The following VTI1A variants were observed in gnomAD, a reference collection of about 807,000 sequenced individuals.
VTI1A encodes vesicle transport through interaction with t-SNAREs homolog 1A.
Under a neutral mutation model 34.9 loss-of-function variants are expected in VTI1A, and 22 were observed. The ratio of observed to expected loss-of-function variants is 0.63; its 90% CI spans 0.45 to 0.90. The LOEUF (loss-of-function observed/expected upper bound fraction) is 0.90, where lower values mean the gene tolerates loss of function less well. Among genes scored for constraint, VTI1A ranks in the 40% least tolerant of loss-of-function variants. VTI1A has a pLI of 0.00. For missense variants in VTI1A, 268 were observed against 275.6 expected (o/e 0.97, Z 0.20); for synonymous variants, 87 against 97.3 (o/e 0.89, Z 0.62).
At chr10:112,756,951 T>C (rs1349847011) in intron 7 of VTI1A, among the ~76,000 whole-genome samples, 2 of 150,198 alleles carry the variant, frequency 1.3e-5, no homozygotes, top group African/African-American at 4.9e-5. Context: ...GAGGCTGAGG[T>C]GGGAGGATCA....
intron 5 of VTI1A, among the ~76,000 whole-genome samples, chr10:112,557,463 A>G (rs2134318709): frequency 6.6e-6 from 1 of 152,332 alleles, no homozygotes; most frequent in Non-Finnish European, 1.5e-5. Flanking sequence ...TATAGCATGA[A>G]GACCACAATC....
At chr10:112,837,797 G>A in the VTI1A span, among the ~76,000 whole-genome samples, 1 of 152,202 alleles carries the variant, frequency 6.6e-6, no homozygotes, top group Non-Finnish European at 1.5e-5. Context: ...AGAGTCTGGG[G>A]ATGTCTTTGA....
At chr10:112,768,187 C>T (rs1055162888) in intron 7 of VTI1A, among the ~76,000 whole-genome samples, 1 of 152,082 alleles carries the variant, frequency 6.6e-6, no homozygotes, top group Non-Finnish European at 1.5e-5. Context: ...AATTGCATGA[C>T]GAGTGTGAGG....
intron 5 of VTI1A, among the ~76,000 whole-genome samples, chr10:112,586,498 T>C (rs1265107191): frequency 2.6e-5 from 4 of 152,202 alleles, no homozygotes; most frequent in Non-Finnish European, 5.9e-5. Context: ...GTATAAAGCC[T>C]ATTTTCAACA....
intron 5 of VTI1A, among the ~76,000 whole-genome samples, chr10:112,643,802 A>G (rs1011222003): frequency 6.6e-6 from 1 of 152,188 alleles, no homozygotes; most frequent in Non-Finnish European, 1.5e-5. Flanking sequence ...AATGCTGTAA[A>G]CATTGCATCA....
intron 7 of VTI1A, among the ~76,000 whole-genome samples, chr10:112,690,578 GT>G (rs989149725): frequency 1.8e-4 from 28 of 152,166 alleles, no homozygotes; most frequent in Admixed American, 5.2e-4. Context: ...ATATAGCAGG[GT>G]GTGACAGTTA....
chr10:112,527,873 C>T (rs565221160), intron 4 of VTI1A, among the ~76,000 whole-genome samples: 79 of 151,994 alleles, frequency 5.2e-4, no homozygotes, highest in Admixed American at 1.2e-3. Context: ...AATTAATGTC[C>T]CGCCTCTTTC....
At chr10:112,567,662 T>A (rs1461209861) in intron 5 of VTI1A, among the ~76,000 whole-genome samples, 1 of 152,254 alleles carries the variant, frequency 6.6e-6, no homozygotes, top group Non-Finnish European at 1.5e-5. Flanking sequence ...GGCTTAGGAA[T>A]CTACCATGTT....
the VTI1A span, among the ~76,000 whole-genome samples, chr10:112,829,444 G>GAA: frequency 0.013 from 1,724 of 131,850 alleles, 30 homozygotes; most frequent in African/African-American, 0.034. Context: ...ACTCCGTCTC[G>GAA]AAAAAAAAAA....
intron 4 of VTI1A, among the ~76,000 whole-genome samples, chr10:112,528,493 A>C (rs1850316131): frequency 6.7e-6 from 1 of 149,246 alleles, no homozygotes; most frequent in Non-Finnish European, 1.5e-5. Context: ...AAATGTGAGA[A>C]TAGCTAAAGG....
At chr10:112,850,822 T>C in the VTI1A span, among the ~76,000 whole-genome samples, 4 of 152,190 alleles carry the variant, frequency 2.6e-5, no homozygotes, top group Admixed American at 6.5e-5. Context: ...CACAGGGCCC[T>C]GTGCAACTGT....
chr10:112,706,435 G>A (rs1243773205), intron 7 of VTI1A, among the ~76,000 whole-genome samples: 1 of 152,180 alleles, frequency 6.6e-6, no homozygotes, highest in African/African-American at 2.4e-5. Context: ...TTAAATAACT[G>A]TTGTGCCTAT....
intron 5 of VTI1A, among the ~76,000 whole-genome samples, chr10:112,617,516 C>T (rs1348367545): frequency 6.6e-6 from 1 of 151,592 alleles, no homozygotes; most frequent in Non-Finnish European, 1.5e-5. Context: ...ATAATAATAA[C>T]AATATCTAAT....
At chr10:112,575,950 T>A (rs945492463) in intron 5 of VTI1A, among the ~76,000 whole-genome samples, 1 of 152,084 alleles carries the variant, frequency 6.6e-6, no homozygotes, top group African/African-American at 2.4e-5. Context: ...TCGTGAATTT[T>A]TCTTTGTTTG....
intron 7 of VTI1A, among the ~76,000 whole-genome samples, chr10:112,744,433 T>A (rs1029110234): frequency 2.0e-5 from 3 of 151,634 alleles, no homozygotes; most frequent in African/African-American, 7.3e-5. Flanking sequence ...GGCATATGCT[T>A]ACATGCTTAC....
intron 5 of VTI1A, among the ~76,000 whole-genome samples, chr10:112,662,353 A>G (rs2133823695): frequency 6.6e-6 from 1 of 152,062 alleles, no homozygotes; most frequent in South Asian, 2.1e-4. Flanking sequence ...CATTTTTTTA[A>G]CTTTTTTTCC....
chr10:112,841,245 A>C, the VTI1A span, among the ~76,000 whole-genome samples: 6 of 152,158 alleles, frequency 3.9e-5, no homozygotes, highest in East Asian at 1.2e-3. Context: ...AGTGGAAGCA[A>C]AGGTAGTTTC....
chr10:112,796,401 G>C (rs185483679), intron 7 of VTI1A, among the ~76,000 whole-genome samples: 1 of 63,806 alleles, frequency 1.6e-5, no homozygotes, highest in South Asian at 8.3e-4. Flanking sequence ...GCAAGACTCC[G>C]TCAAAAAAAA....
At chr10:112,694,073 G>A (rs1038325242) in intron 7 of VTI1A, among the ~76,000 whole-genome samples, 6 of 152,138 alleles carry the variant, frequency 3.9e-5, no homozygotes, top group Non-Finnish European at 8.8e-5. Context: ...CAGCTTGGTG[G>A]CGCGTGCCTG....
Sources: allele counts gnomAD v4.1 joint callset (sites outside exome capture counted in the v4.1 genomes callset), GRCh38; gene constraint gnomAD v4.1.1; transcripts MANE v1.5; gene names NCBI Gene and HGNC (gene_info 2026-07-23, HGNC 2026-07-21).